KDM4C: variants seen among roughly 807,000 people sequenced by gnomAD.
KDM4C encodes lysine demethylase 4C.
KDM4C carries 81 observed loss-of-function variants against 129.3 expected under a neutral mutation model. The ratio of observed to expected loss-of-function variants is 0.63; its 90% CI spans 0.52 to 0.75. The LOEUF (loss-of-function observed/expected upper bound fraction) is 0.75. KDM4C is among the 30% of genes least tolerant of loss of function. The probability of loss-of-function intolerance (pLI) is 0.00; values close to 1 mark genes in which losing one functional copy is unlikely to be tolerated. For missense variants in KDM4C, 1,457 were observed against 1,304.0 expected (o/e 1.12, Z -1.81); for synonymous variants, 573 against 456.1 (o/e 1.26, Z -3.26).
chr9:6,752,683 G>A (rs1011842330), upstream of KDM4C, among the ~76,000 whole-genome samples: 2 of 151,914 alleles, frequency 1.3e-5, no homozygotes, highest in Non-Finnish European at 1.5e-5. Context: ...AATTACAGAC[G>A]TAAGCCACCG....
intron 8 of KDM4C, among the ~76,000 whole-genome samples, chr9:6,935,733 A>G (rs1285693593): frequency 6.6e-6 from 1 of 152,208 alleles, no homozygotes; most frequent in Non-Finnish European, 1.5e-5. Flanking sequence ...TAGAGATTAC[A>G]AAAAGAGCCA....
intron 2 of KDM4C, among the ~76,000 whole-genome samples, chr9:6,796,086 C>T (rs114318727): frequency 0.016 from 2,365 of 152,234 alleles, 76 homozygotes; most frequent in African/African-American, 0.054. Context: ...ACTAAAGCTT[C>T]GTAATGACTT....
At chr9:6,816,086 A>T (rs954671180) in intron 4 of KDM4C, among the ~76,000 whole-genome samples, 1 of 152,182 alleles carries the variant, frequency 6.6e-6, no homozygotes, top group Admixed American at 6.5e-5. Context: ...GATTCAGTCA[A>T]GGATTCCCCT....
At chr9:6,759,985 A>G (rs1425398389) in intron 1 of KDM4C, among the ~76,000 whole-genome samples, 5 of 150,664 alleles carry the variant, frequency 3.3e-5, no homozygotes, top group Admixed American at 6.6e-5. Flanking sequence ...ATAAATAAAT[A>G]AATAAATAAA....
chr9:6,948,615 T>C (rs7848721), intron 8 of KDM4C, among the ~76,000 whole-genome samples: 3 of 149,312 alleles, frequency 2.0e-5, no homozygotes, highest in African/African-American at 7.4e-5. Context: ...GGTTTTCCTA[T>C]GCAGAGGACC....
At chr9:6,807,648 A>G (rs143106289) in intron 3 of KDM4C, among the ~76,000 whole-genome samples, 19,276 of 141,166 alleles carry the variant, frequency 0.14, 2,013 homozygotes, top group African/African-American at 0.3. Flanking sequence ...CTGCCTGGCA[A>G]CCACCCCGTC....
chr9:6,831,113 T>C (rs536164115), intron 4 of KDM4C, among the ~76,000 whole-genome samples: 8 of 152,336 alleles, frequency 5.3e-5, no homozygotes, highest in African/African-American at 1.9e-4. Flanking sequence ...TTTTTTCTTA[T>C]TTTAATCCAC....
At chr9:6,901,237 C>T (rs1458806691) in intron 8 of KDM4C, among the ~76,000 whole-genome samples, 1 of 152,136 alleles carries the variant, frequency 6.6e-6, no homozygotes, top group Non-Finnish European at 1.5e-5. Context: ...GGGCCCTGGG[C>T]ACCCCCCAGA....
chr9:6,802,841 A>G (rs1829266801), intron 2 of KDM4C, among the ~76,000 whole-genome samples: 1 of 152,224 alleles, frequency 6.6e-6, no homozygotes. Context: ...TTCTGACCTC[A>G]GGTGGTCTGT....
chr9:6,893,277 TG>T (rs1398877781), intron 8 of KDM4C, 45 bp downstream of exon 8: 1 of 1,539,740 alleles, frequency 6.5e-7, no homozygotes, highest in Non-Finnish European at 8.8e-7. Context: ...ATGTGTATTC[TG>T]GTTATTTTAG....
chr9:7,096,647 C>T (rs148792155), intron 17 of KDM4C, among the ~76,000 whole-genome samples: 206 of 152,238 alleles, frequency 1.4e-3, no homozygotes, highest in African/African-American at 4.8e-3. Flanking sequence ...ACACTTAGCT[C>T]GTATACTGTG....
At chr9:7,172,353 C>G (rs1845050101) in intron 21 of KDM4C, among the ~76,000 whole-genome samples, 1 of 152,150 alleles carries the variant, frequency 6.6e-6, no homozygotes, top group Non-Finnish European at 1.5e-5. Flanking sequence ...CACAGAATAA[C>G]CATAGCAACG....
intron 1 of KDM4C, among the ~76,000 whole-genome samples, chr9:6,787,297 G>A (rs1389504228): frequency 3.3e-5 from 5 of 152,138 alleles, no homozygotes; most frequent in Non-Finnish European, 5.9e-5. Context: ...CAGTGGCACC[G>A]TCTTGGCTCA....
intron 15 of KDM4C, among the ~76,000 whole-genome samples, chr9:7,045,999 C>G (rs1829334243): frequency 1.3e-5 from 2 of 152,008 alleles, no homozygotes; most frequent in Non-Finnish European, 1.5e-5. Context: ...GAGGAAAAAA[C>G]TCCAAATAAC....
rs150761576 is a variant in KDM4C at position 6,986,379 on chromosome 9, A to G, written c.1390A>G (p.Ile464Val). The G allele has an allele frequency of 1.2e-4, 194 of 1,613,380 alleles. No homozygotes were observed. The highest frequency in any genetic ancestry group is 1.6e-4 in the Non-Finnish European group (184 of 1,179,512). ...SCLSTSVTED[I>V]KTEDDKAYAY... The stretch of plus-strand genomic sequence containing the variant: ...CTTAAGTACATCTGTAACAGAAGAC[A>G]TAAAAACTGAGGATGACAAAGCTTA... Residue 464 changes from isoleucine to valine, a missense_variant, in exon 11 of 22, where the codon ATA (isoleucine) becomes GTA (valine). Transcript: ENST00000381309.
chr9:6,900,391 G>C (rs903341504), intron 8 of KDM4C, among the ~76,000 whole-genome samples: 3 of 152,202 alleles, frequency 2.0e-5, no homozygotes, highest in Admixed American at 2.0e-4. Context: ...GATTCAGAAT[G>C]GTCTTGTCCC....
chr9:6,723,468 T>A (rs998860755), intron 1 of KDM4C: 1 of 152,154 alleles, frequency 6.6e-6, no homozygotes, highest in Non-Finnish European at 1.5e-5. Context: ...GGTGTGGAAC[T>A]GCTCCTGTCA....
chr9:6,889,211 TTGTG>T (rs34443147), intron 7 of KDM4C, among the ~76,000 whole-genome samples: 12,808 of 61,410 alleles, frequency 0.21, 1,217 homozygotes, highest in Middle Eastern at 0.36. Context: ...GGCCTTCTTT[TTGTG>T]TGTGTGTGTG....
rs138982708 is a variant in KDM4C at position 7,047,581 on chromosome 9, G to T, written c.2315+664G>T. 3.1e-3 allele frequency among the ~76,000 whole-genome samples: 474 copies of T among 151,934 alleles called. 6 individuals are homozygous for T. The highest frequency in any genetic ancestry group is 0.011 in the African/African-American group (453 of 41,474). Reference sequence around the variant, plus strand: ...GGGGCCAAAGCATATTACAGGGTCCGCTGGAATAGAGACATGTCAAAATAA... The same window carrying T: ...GGGGCCAAAGCATATTACAGGGTCCTCTGGAATAGAGACATGTCAAAATAA... On this transcript the variant is annotated intron_variant, in intron 16 of 21. Coordinates refer to ENST00000381309, the MANE Select transcript of KDM4C (RefSeq NM_015061.6).
Sources: allele counts gnomAD v4.1 joint callset (sites outside exome capture counted in the v4.1 genomes callset), GRCh38; gene constraint gnomAD v4.1.1; transcripts MANE v1.5; gene names NCBI Gene and HGNC (gene_info 2026-07-23, HGNC 2026-07-21).